Variants in NOD1 observed in about 807,000 individuals in gnomAD.
NOD1 encodes the protein nucleotide-binding oligomerization domain-containing protein 1.
NOD1 carries 70 observed loss-of-function variants against 81.2 expected under a neutral mutation model. The observed-to-expected ratio is 0.86, with a 90% CI of 0.71 to 1.05. The LOEUF is 1.05. Ranked by LOEUF, NOD1 falls within the 50% of genes least tolerant of loss-of-function variation. The pLI is 0.00. For synonymous variants in NOD1, 508 were observed against 526.9 expected, an observed-to-expected ratio of 0.96 and a Z score of 0.49; for missense variants, 1,233 against 1,228.0, an observed-to-expected ratio of 1.00 and a Z score of -0.06.
chr7:30,474,619 C>A (rs939149992), intron 1 of NOD1, among the ~76,000 whole-genome samples: 1 of 152,246 alleles, frequency 6.6e-6, no homozygotes, highest in African/African-American at 2.4e-5. Context: ...GAATCTGATG[C>A]CACCGCTGAT....
chr7:30,448,246 A>C (rs907815347), intron 7 of NOD1, 52 bp downstream of exon 7: 2 of 1,392,982 alleles, frequency 1.4e-6, no homozygotes, highest in Non-Finnish European at 2.0e-6. Context: ...AATTCCCTGC[A>C]GCTCTGTATT....
At chr7:30,464,653 G>A (rs1787502438) in intron 1 of NOD1, among the ~76,000 whole-genome samples, 1 of 152,204 alleles carries the variant, frequency 6.6e-6, no homozygotes, top group South Asian at 2.1e-4. Context: ...AATGGACCAT[G>A]TTTGCTGGTG....
intron 1 of NOD1, among the ~76,000 whole-genome samples, chr7:30,463,428 T>C (rs1029719010): frequency 1.3e-5 from 2 of 152,168 alleles, no homozygotes; most frequent in Admixed American, 6.5e-5. Flanking sequence ...CAGGAAGTGT[T>C]CATAAGCTGG....
chr7:30,455,735 G>C (rs951826751), intron 4 of NOD1, among the ~76,000 whole-genome samples: 1 of 152,086 alleles, frequency 6.6e-6, no homozygotes, highest in African/African-American at 2.4e-5. Flanking sequence ...CCAAGTGGCT[G>C]GGATTACAGG....
Position 30,451,507 on chromosome 7 carries a change from CG to C in NOD1, c.1909del (p.Arg637AlafsTer46). 6.2e-7 allele frequency: 1 copy of C among 1,613,092 alleles called. No individual in the cohort carries two copies. Among genetic ancestry groups the C allele is most frequent in the Non-Finnish European group, 8.5e-7 (1 of 1,179,862 alleles). Reference protein sequence around the residue: ...SLRGYLKSLPRVQVESFNQVQ... With the variant: ...SLRGYLKSLPXVQVESFNQVQ... ...CTGGTTGAAGCTTTCGACCTGAACG[CG>C]GGGCAGGCTCTTCAGGTAGCCCCGC... On this transcript the variant is annotated frameshift_variant, in exon 6 of 14. Transcript: ENST00000222823. LOFTEE classifies it high-confidence loss of function. The surrounding 1 kb of genome is among the most constrained non-coding windows in gnomAD (Gnocchi z 4.2).
At position 30,452,733 on chromosome 7, in the gene NOD1, G is replaced by A. The variant is rs1398363333; in HGVS notation, c.684C>T (p.Val228=). 5 of 1,613,982 alleles carry A rather than the reference G, an allele frequency of 3.1e-6. No individual in the cohort carries two copies. The Admixed American group carries it at 6.7e-5, about 22-fold the overall frequency. The change falls in exon 6 of 14, where the codon GTC becomes GTT. Residue 228 remains valine, a synonymous_variant. Coordinates refer to ENST00000222823, the MANE Select transcript of NOD1 (RefSeq NM_006092.4). The part of the protein sequence containing the change: ...LWATGRLDAG[V]KFFFHFRCRM... Reference sequence around the variant, plus strand: ...GGCAGCGAAAGTGGAAGAAGAATTTGACCCCTGCGTCTAGCCGGCCCGTGG... The same window carrying A: ...GGCAGCGAAAGTGGAAGAAGAATTTAACCCCTGCGTCTAGCCGGCCCGTGG...
intron 9 of NOD1, among the ~76,000 whole-genome samples, chr7:30,439,644 G>C (rs1385444576): frequency 1.1e-5 from 1 of 92,658 alleles, no homozygotes; most frequent in Non-Finnish European, 2.0e-5. Flanking sequence ...ACAGCAGTCT[G>C]AGATCAAACT....
intron 1 of NOD1, chr7:30,463,706 TA>T (rs35729036): frequency 0.37 from 55,459 of 148,116 alleles, 11,616 homozygotes; most frequent in African/African-American, 0.58. Context: ...ATGCTAAGAT[TA>T]AAAAAAAAAA....
rs527429001 is a variant in NOD1, at chr7:30,478,189, T to C, written c.-352+417A>G. On this transcript the variant is annotated intron_variant, in intron 1 of 13. Coordinates refer to ENST00000222823, the MANE Select transcript of NOD1 (RefSeq NM_006092.4). This position sits in a 1 kb window ranked among gnomAD's most constrained non-coding sequence, Gnocchi z 4.1. ...AGGCCCCTGTCTGCCCTTCCAGCCT[T>C]TGCCACAAACCCTCGAACGCTGGCT... Among the ~76,000 whole-genome samples, 1 of 152,194 alleles carries C rather than the reference T, an allele frequency of 6.6e-6. No individual in the cohort carries two copies.
intron 9 of NOD1, among the ~76,000 whole-genome samples, chr7:30,445,612 A>T (rs1309524223): frequency 6.6e-6 from 1 of 151,968 alleles, no homozygotes; most frequent in Non-Finnish European, 1.5e-5. Flanking sequence ...TACAAAAATT[A>T]GCTGGGATTG....
intron 5 of NOD1, 114 bp downstream of exon 5, chr7:30,455,023 A>G (rs899123187): frequency 1.3e-5 from 13 of 1,039,248 alleles, no homozygotes; most frequent in Non-Finnish European, 1.8e-5. Context: ...TAAAATCAAA[A>G]TAGCACCTGG....
rs562839411 is a variant in NOD1, at chr7:30,461,561, G to A, written c.-351-1520C>T. On this transcript the variant is annotated intron_variant, in intron 1 of 13. Transcript: ENST00000222823. ...TGGAAACCTGGCATGTGTTTTAATC[G>A]CACATCTCAGTTTGGATCAACCACA... Among the ~76,000 whole-genome samples the A allele has an allele frequency of 8.5e-5, 13 of 152,216 alleles. No homozygotes were observed. In the South Asian group the frequency reaches 2.7e-3, roughly 32 times the overall value.
At chr7:30,435,890 G>A in intron 11 of NOD1, 108 bp downstream of exon 11, 1 of 871,188 alleles carries the variant, frequency 1.1e-6, no homozygotes, top group Non-Finnish European at 1.8e-6. Context: ...CCTGGGAGGT[G>A]GAGGCTGCAG....
At chr7:30,438,001 T>C (rs1346350582) in intron 9 of NOD1, among the ~76,000 whole-genome samples, 2 of 152,224 alleles carry the variant, frequency 1.3e-5, no homozygotes, top group African/African-American at 4.8e-5. Context: ...ATGTCTCCTG[T>C]GGAGCACAGA....
chr7:30,432,280 A>G (rs1323648150), intron 12 of NOD1, among the ~76,000 whole-genome samples: 2 of 152,192 alleles, frequency 1.3e-5, no homozygotes, highest in Non-Finnish European at 2.9e-5. Flanking sequence ...CAATTTTAAA[A>G]TGGGCAAAGG....
chr7:30,466,405 T>C (rs1787697046), intron 1 of NOD1, among the ~76,000 whole-genome samples: 1 of 152,060 alleles, frequency 6.6e-6, no homozygotes, highest in Admixed American at 6.6e-5. Context: ...TAGCACAAGA[T>C]GGGGGCAGCT....
At chr7:30,454,020 C>CT (rs1172944946) in intron 5 of NOD1, among the ~76,000 whole-genome samples, 12 of 151,772 alleles carry the variant, frequency 7.9e-5, no homozygotes, top group East Asian at 3.9e-4. Flanking sequence ...GGAATACTTT[C>CT]TTTTTTTTTC....
Position 30,451,584 on chromosome 7 carries a change from T to C in NOD1, c.1833A>G (p.Ala611=), listed in dbSNP as rs774465998. The C allele has an allele frequency of 6.2e-7, 1 of 1,613,736 alleles. No homozygotes were observed. Among genetic ancestry groups the C allele is most frequent in the Non-Finnish European group, 8.5e-7 (1 of 1,179,986 alleles). Residue 611 remains alanine (A), a synonymous_variant, in exon 6 of 14, where the codon GCA becomes GCG. Transcript: ENST00000222823. The surrounding 1 kb of genome is among the most constrained non-coding windows in gnomAD (Gnocchi z 4.2). The part of the protein sequence containing the change: ...QKLLRHLVPA[A]ALRRKRKALW... ...GGGCCTTGCGCTTTCTCCTCAGGGC[T>C]GCCGCGGGCACCAGATGCCGCAGGA... is the stretch of plus-strand genomic sequence containing the variant.
At chr7:30,438,016 C>T (rs940268045) in intron 9 of NOD1, among the ~76,000 whole-genome samples, 4 of 152,204 alleles carry the variant, frequency 2.6e-5, no homozygotes, top group Non-Finnish European at 4.4e-5. Flanking sequence ...CACAGAGGTG[C>T]GCAGAGTCCT....
Sources: allele counts gnomAD v4.1 joint callset (sites outside exome capture counted in the v4.1 genomes callset), GRCh38; gene constraint gnomAD v4.1.1; non-coding constraint Gnocchi (gnomAD v3.1); transcripts MANE v1.5; gene names NCBI Gene and HGNC (gene_info 2026-07-23, HGNC 2026-07-21).